Variants in KIFAP3 observed in about 807,000 individuals in gnomAD.
KIFAP3 encodes the protein kinesin-associated protein 3.
In KIFAP3, 68 loss-of-function variants were observed where a neutral mutation model predicts 106.5. The ratio of observed to expected loss-of-function variants is 0.64; its 90% CI spans 0.53 to 0.78. The LOEUF (loss-of-function observed/expected upper bound fraction) is 0.78, where lower values mean the gene tolerates loss of function less well. Ranked by LOEUF, KIFAP3 falls within the 30% of genes least tolerant of loss-of-function variation. The pLI, the probability that KIFAP3 is intolerant of heterozygous loss-of-function variation, is 0.00. For synonymous variants in KIFAP3, 320 were observed against 311.5 expected (o/e 1.03, Z -0.29); for missense variants, 780 against 941.8 (o/e 0.83, Z 2.25).
intron 3 of KIFAP3, among the ~76,000 whole-genome samples, chr1:170,039,668 C>A (rs145731629): frequency 1.3e-5 from 2 of 151,192 alleles, no homozygotes; most frequent in Non-Finnish European, 3.0e-5. Context: ...GAAAAAAGTA[C>A]GACTTGAGTA....
chr1:169,928,800 A>C (rs1027913929), intron 19 of KIFAP3, among the ~76,000 whole-genome samples: 4 of 151,710 alleles, frequency 2.6e-5, no homozygotes, highest in African/African-American at 2.4e-5. Context: ...TTTAAAGGTT[A>C]TATTTCATTG....
intron 17 of KIFAP3, among the ~76,000 whole-genome samples, chr1:169,961,732 T>G (rs1159400197): frequency 6.6e-6 from 1 of 152,216 alleles, no homozygotes. Context: ...ATCTTTATGA[T>G]GATTCACTTC....
At chr1:169,979,753 G>GC (rs1378157553) in intron 15 of KIFAP3, among the ~76,000 whole-genome samples, 1 of 152,022 alleles carries the variant, frequency 6.6e-6, no homozygotes, top group Non-Finnish European at 1.5e-5. Context: ...CTGTGACCCA[G>GC]CCATTCTACT....
intron 19 of KIFAP3, among the ~76,000 whole-genome samples, chr1:169,944,639 A>G (rs1052067788): frequency 3.3e-5 from 5 of 152,102 alleles, no homozygotes; most frequent in African/African-American, 1.2e-4. Flanking sequence ...AGGGTAAGCA[A>G]AGGGGAAGAG....
intron 19 of KIFAP3, among the ~76,000 whole-genome samples, chr1:169,948,404 G>C (rs1664554472): frequency 6.6e-6 from 1 of 151,650 alleles, no homozygotes; most frequent in Non-Finnish European, 1.5e-5. Flanking sequence ...ATAAATAATA[G>C]AAAAACTATG....
At chr1:169,977,626 G>C (rs1558213236) in intron 16 of KIFAP3, among the ~76,000 whole-genome samples, 1 of 152,110 alleles carries the variant, frequency 6.6e-6, no homozygotes, top group Admixed American at 6.5e-5. Flanking sequence ...CTTTAGGTAG[G>C]TGGAAGGTAT....
chr1:170,011,803 T>A (rs1668255994), intron 10 of KIFAP3, among the ~76,000 whole-genome samples: 3 of 152,126 alleles, frequency 2.0e-5, no homozygotes, highest in Admixed American at 1.3e-4. Context: ...AATGTATCAC[T>A]GAATTACTCA....
chr1:169,947,384 T>A (rs974555706), intron 19 of KIFAP3, among the ~76,000 whole-genome samples: 1 of 151,808 alleles, frequency 6.6e-6, no homozygotes, highest in East Asian at 1.9e-4. Flanking sequence ...TATAAAGAGG[T>A]TCTACTGCGT....
At chr1:169,921,822 C>T (rs752526690) in intron 19 of KIFAP3, 41 bp from the exon 20 acceptor site, 3 of 1,401,372 alleles carry the variant, frequency 2.1e-6, no homozygotes, top group South Asian at 2.4e-5. Context: ...TGTTTTTCAT[C>T]ACACATCCAC....
chr1:169,982,646 C>A (rs2101910871), intron 14 of KIFAP3, 56 bp downstream of exon 14: 2 of 1,212,012 alleles, frequency 1.7e-6, no homozygotes, highest in East Asian at 5.2e-5. Flanking sequence ...CAGCCTTATC[C>A]ATAACAGAAA....
chr1:169,961,026 A>G lies in KIFAP3; in HGVS notation c.2173+20T>C, dbSNP rs1188158546. 5 of 1,600,668 alleles carry G rather than the reference A, an allele frequency of 3.1e-6. No homozygotes were observed. The East Asian group carries it at 1.1e-4, about 36-fold the overall frequency. On this transcript the variant is annotated intron_variant, in intron 18 of 19. Coordinates refer to ENST00000361580, the MANE Select transcript of KIFAP3 (RefSeq NM_014970.4). ...ATTCATAGCATATAATAAACTGTTT[A>G]CTTTCGCTTTGGTTATCACCTGAGT...
chr1:170,020,419 G>C (rs796692678), intron 9 of KIFAP3, among the ~76,000 whole-genome samples: 10 of 152,262 alleles, frequency 6.6e-5, no homozygotes, highest in African/African-American at 2.4e-4. Context: ...ACAGAAACCA[G>C]AGTCTAGAAA....
intron 5 of KIFAP3, among the ~76,000 whole-genome samples, chr1:170,037,580 A>AAG (rs905013798): frequency 1.3e-5 from 2 of 151,756 alleles, no homozygotes; most frequent in African/African-American, 4.8e-5. Flanking sequence ...AAAAAAAAAA[A>AAG]CAAACCACAC....
intron 9 of KIFAP3, among the ~76,000 whole-genome samples, chr1:170,016,829 C>T (rs892716356): frequency 9.2e-5 from 14 of 152,256 alleles, no homozygotes; most frequent in Admixed American, 9.2e-4. Context: ...CCCTCCTTCC[C>T]TCATTTAATT....
chr1:169,936,993 G>A (rs1349073623), intron 19 of KIFAP3, among the ~76,000 whole-genome samples: 1 of 149,276 alleles, frequency 6.7e-6, no homozygotes, highest in Non-Finnish European at 1.5e-5. Flanking sequence ...ACATATTGGA[G>A]TAACATAAAA....
intron 7 of KIFAP3, 110 bp downstream of exon 7, chr1:170,034,262 G>T: frequency 1.0e-6 from 1 of 961,592 alleles, no homozygotes; most frequent in Non-Finnish European, 1.6e-6. Flanking sequence ...TTGTTTCCAA[G>T]TAATGTAATT....
chr1:169,957,020 G>A (rs1014956063), intron 18 of KIFAP3, among the ~76,000 whole-genome samples: 5 of 152,142 alleles, frequency 3.3e-5, no homozygotes, highest in Non-Finnish European at 7.3e-5. Flanking sequence ...TTACTAGAAT[G>A]AGGTATAAAA....
rs980736555 is a variant in KIFAP3, at chr1:169,965,051, G to A, written c.1984-3816C>T. Reference sequence around the variant, plus strand: ...ATACATTAAAAAGCAAAATGATAATGTGGACAAATTGTCCATACTAATTGG... The same window carrying A: ...ATACATTAAAAAGCAAAATGATAATATGGACAAATTGTCCATACTAATTGG... On this transcript the variant is annotated intron_variant, in intron 17 of 19. Transcript: ENST00000361580. 2.6e-5 allele frequency among the ~76,000 whole-genome samples: 4 copies of A among 152,124 alleles called. No homozygotes were observed. The East Asian group carries it at 7.7e-4, about 29-fold the overall frequency.
At chr1:169,968,800 ATGGGTTC>A (rs1372396031) in intron 17 of KIFAP3, among the ~76,000 whole-genome samples, 1 of 150,430 alleles carries the variant, frequency 6.6e-6, no homozygotes, top group Non-Finnish European at 1.5e-5. Context: ...CATACTATGC[ATGGGTTC>A]TTTTAAGTCC....
Sources: gnomAD v4.1 joint callset for allele counts (sites outside exome capture counted in the v4.1 genomes callset) on GRCh38, gnomAD v4.1.1 for gene constraint, MANE v1.5 for transcripts, NCBI Gene and HGNC (gene_info 2026-07-23, HGNC 2026-07-21) for gene names.